The following TBC1D12 variants were observed in gnomAD, a reference collection of about 807,000 sequenced individuals.
TBC1D12 encodes the protein TBC1 domain family member 12, also known as TBC1 domain family, member 12.
TBC1D12 carries 56 observed loss-of-function variants against 86.7 expected under a neutral mutation model. The observed-to-expected ratio is 0.65, with a 90% CI of 0.52 to 0.81. The LOEUF (loss-of-function observed/expected upper bound fraction) is 0.81, where lower values mean the gene tolerates loss of function less well. Ranked by LOEUF, TBC1D12 falls within the 30% of genes least tolerant of loss-of-function variation. The pLI is 0.00. For synonymous variants in TBC1D12, 421 were observed against 411.7 expected, an observed-to-expected ratio of 1.02 and a Z score of -0.27; for missense variants, 1,023 against 1,038.8, an observed-to-expected ratio of 0.98 and a Z score of 0.21.
Position 94,403,384 on chromosome 10 carries a change from TG to T in TBC1D12, c.776del (p.Gly259ValfsTer21). 2 of 1,543,652 alleles carry T rather than the reference TG, an allele frequency of 1.3e-6. No individual in the cohort carries two copies. Among genetic ancestry groups the T allele is most frequent in the African/African-American group, 1.4e-5 (1 of 71,220 alleles). On this transcript the variant is annotated frameshift_variant, in exon 1 of 13. Transcript: ENST00000225235. LOFTEE classifies it high-confidence loss of function. ...PPATSAERTN[G>X]GAEPRLGFSD... ...CTGCCACCTCGGCCGAGAGGACTAA[TG>T]GGGGTGCGGAGCCGCGCCTGGGCTT...
intron 11 of TBC1D12, among the ~76,000 whole-genome samples, chr10:94,526,717 A>G (rs1842298528): frequency 6.6e-6 from 1 of 152,162 alleles, no homozygotes; most frequent in Admixed American, 6.5e-5. Context: ...CCTATCTTAA[A>G]CATACTGATT....
In TBC1D12 at chr10:94,441,212, G is replaced by C. The variant is rs150377348; in HGVS notation, c.972-684G>C. On this transcript the variant is annotated intron_variant, in intron 1 of 12. Transcript: ENST00000225235. ...ATACTTTCTTCCTTGGTTATATATTGACTCTTTTGTAGTAAGCTTTCTTGT... is the reference window on the plus strand; with the variant it reads ...ATACTTTCTTCCTTGGTTATATATTCACTCTTTTGTAGTAAGCTTTCTTGT... Among the ~76,000 whole-genome samples the C allele has an allele frequency of 4.0e-3, 593 of 149,874 alleles. 6 individuals carry two copies. The highest frequency in any genetic ancestry group is 0.014 in the African/African-American group (574 of 40,728).
At chr10:94,429,823 T>A (rs2055191954) in intron 1 of TBC1D12, among the ~76,000 whole-genome samples, 1 of 152,142 alleles carries the variant, frequency 6.6e-6, no homozygotes, top group Non-Finnish European at 1.5e-5. Flanking sequence ...AGCCTTGACC[T>A]CCTGGGCTCA....
chr10:94,512,838 T>A (rs1251727270), intron 9 of TBC1D12, among the ~76,000 whole-genome samples: 2 of 152,230 alleles, frequency 1.3e-5, no homozygotes, highest in African/African-American at 4.8e-5. Context: ...TAAGAACACC[T>A]TGTATCCCCT....
chr10:94,457,102 TTTTAC>T (rs1226125292), intron 2 of TBC1D12, among the ~76,000 whole-genome samples: 1 of 152,224 alleles, frequency 6.6e-6, no homozygotes, highest in East Asian at 1.9e-4. Flanking sequence ...TTTAATTTAA[TTTTAC>T]TTTAAGTTCC....
At chr10:94,495,673 A>ATGTGAG (rs1023741625) in intron 4 of TBC1D12, among the ~76,000 whole-genome samples, 6 of 151,876 alleles carry the variant, frequency 4.0e-5, no homozygotes, top group African/African-American at 1.5e-4. Flanking sequence ...CATGCGTAAC[A>ATGTGAG]TGTGAGAGGC....
chr10:94,423,348 T>A (rs1307076316), intron 1 of TBC1D12, among the ~76,000 whole-genome samples: 1 of 143,362 alleles, frequency 7.0e-6, no homozygotes, highest in Non-Finnish European at 1.5e-5. Flanking sequence ...CCATCTTTTT[T>A]TTTTTTTTTT....
At chr10:94,409,156 A>G (rs553979375) in intron 1 of TBC1D12, among the ~76,000 whole-genome samples, 1 of 151,906 alleles carries the variant, frequency 6.6e-6, no homozygotes, top group South Asian at 2.1e-4. Context: ...AAACCCCCCA[A>G]AAAACAACAC....
chr10:94,424,185 C>G lies in TBC1D12; in HGVS notation c.972-17711C>G, dbSNP rs546250039. ...GAGGGAAGTCCTGGAATCAGTCCCCCACAGATACCAAAGGACAACTGTATA... is the reference window on the plus strand; with the variant it reads ...GAGGGAAGTCCTGGAATCAGTCCCCGACAGATACCAAAGGACAACTGTATA... On this transcript the variant is annotated intron_variant, in intron 1 of 12. Coordinates refer to ENST00000225235, the MANE Select transcript of TBC1D12 (RefSeq NM_015188.2). 9.1e-4 allele frequency among the ~76,000 whole-genome samples: 138 copies of G among 152,048 alleles called. 1 individual carries two copies. Among genetic ancestry groups the G allele is most frequent in the African/African-American group, 3.2e-3 (131 of 41,450 alleles).
At chr10:94,521,167 A>G (rs1842140327) in intron 9 of TBC1D12, among the ~76,000 whole-genome samples, 1 of 149,886 alleles carries the variant, frequency 6.7e-6, no homozygotes, top group Admixed American at 6.7e-5. Context: ...ATGATATGCC[A>G]CTGCATTCCA....
chr10:94,480,339 T>C (rs1198415529), intron 3 of TBC1D12, among the ~76,000 whole-genome samples: 2 of 152,138 alleles, frequency 1.3e-5, no homozygotes, highest in South Asian at 2.1e-4. Flanking sequence ...TGGGGAGTGA[T>C]TGAGGGGCCA....
intron 1 of TBC1D12, among the ~76,000 whole-genome samples, chr10:94,414,376 A>G (rs545721500): frequency 6.6e-6 from 1 of 152,342 alleles, no homozygotes; most frequent in South Asian, 2.1e-4. Flanking sequence ...GGAGAGAATA[A>G]ATGTTAGGTA....
chr10:94,505,416 T>C (rs1277126237), intron 6 of TBC1D12, among the ~76,000 whole-genome samples: 1 of 152,102 alleles, frequency 6.6e-6, no homozygotes, highest in Non-Finnish European at 1.5e-5. Context: ...ATGACTCTAC[T>C]GAAAATACAA....
intron 3 of TBC1D12, among the ~76,000 whole-genome samples, chr10:94,481,373 T>A (rs1277904998): frequency 1.3e-5 from 2 of 151,478 alleles, no homozygotes; most frequent in African/African-American, 4.8e-5. Context: ...TTGTTTAGAG[T>A]AGCCACCTTC....
chr10:94,426,563 C>T (rs1032338561), intron 1 of TBC1D12, among the ~76,000 whole-genome samples: 5 of 151,966 alleles, frequency 3.3e-5, no homozygotes, highest in African/African-American at 1.2e-4. Flanking sequence ...TACATATTGT[C>T]AGATTTTATT....
At chr10:94,499,649 A>G (rs779444694) in intron 5 of TBC1D12, among the ~76,000 whole-genome samples, 3 of 152,226 alleles carry the variant, frequency 2.0e-5, no homozygotes, top group African/African-American at 4.8e-5. Context: ...GGCACTTTAC[A>G]TAAGTAATTG....
intron 2 of TBC1D12, among the ~76,000 whole-genome samples, chr10:94,442,718 T>C (rs531957700): frequency 6.6e-6 from 1 of 152,292 alleles, no homozygotes; most frequent in South Asian, 2.1e-4. Context: ...AGAAGACATA[T>C]AGTACATTTC....
intron 9 of TBC1D12, among the ~76,000 whole-genome samples, chr10:94,519,867 T>G (rs1842093856): frequency 6.6e-6 from 1 of 152,100 alleles, no homozygotes; most frequent in African/African-American, 2.4e-5. Flanking sequence ...CAGGATAAGC[T>G]CCCTATCTCA....
chr10:94,524,874 T>C (rs1302558243), intron 11 of TBC1D12, among the ~76,000 whole-genome samples: 1 of 152,044 alleles, frequency 6.6e-6, no homozygotes, highest in Non-Finnish European at 1.5e-5. Flanking sequence ...TTGCCCGGGT[T>C]GGAGTGCAGT....
Sources: allele counts gnomAD v4.1 joint callset (sites outside exome capture counted in the v4.1 genomes callset), GRCh38; gene constraint gnomAD v4.1.1; transcripts MANE v1.5; gene names NCBI Gene and HGNC (gene_info 2026-07-23, HGNC 2026-07-21).